The following TIAM1 variants were observed in gnomAD, a reference collection of about 807,000 sequenced individuals.
The protein encoded by TIAM1 is TIAM Rac1 associated GEF 1, also known as rho guanine nucleotide exchange factor TIAM1.
TIAM1 carries 65 observed loss-of-function variants against 163.5 expected under a neutral mutation model. The observed-to-expected ratio is 0.40, with a 90% CI of 0.33 to 0.49. TIAM1 has a LOEUF of 0.49. Ranked by LOEUF, TIAM1 falls within the 20% of genes least tolerant of loss-of-function variation. The pLI, the probability that TIAM1 is intolerant of heterozygous loss-of-function variation, is 0.77. For synonymous variants in TIAM1, 833 were observed against 810.1 expected (o/e 1.03, Z -0.48); for missense variants, 1,789 against 2,044.7 (o/e 0.87, Z 2.41).
At chr21:31,173,493 G>T (rs566324667) in intron 15 of TIAM1, among the ~76,000 whole-genome samples, 13 of 149,892 alleles carry the variant, frequency 8.7e-5, no homozygotes, top group Admixed American at 3.3e-4. Context: ...CTCCAACAAA[G>T]CTAAAAAACA....
intron 1 of TIAM1, among the ~76,000 whole-genome samples, chr21:31,500,400 C>T (rs1034315): frequency 0.84 from 127,665 of 152,072 alleles, 53,857 homozygotes; most frequent in African/African-American, 0.9. Context: ...ATCCGCCATG[C>T]AGTAGACCCT....
intron 2 of TIAM1, among the ~76,000 whole-genome samples, chr21:31,361,034 A>C (rs1286064885): frequency 6.6e-6 from 1 of 152,172 alleles, no homozygotes; most frequent in African/African-American, 2.4e-5. Flanking sequence ...CAAGAAACAC[A>C]TGGACATGAG....
At chr21:31,285,750 A>G (rs1240449458) in intron 2 of TIAM1, among the ~76,000 whole-genome samples, 1 of 152,120 alleles carries the variant, frequency 6.6e-6, no homozygotes, top group Non-Finnish European at 1.5e-5. Flanking sequence ...AATCTCAGCT[A>G]CTCGGGAGGC....
At chr21:31,450,395 T>G (rs575687344) in intron 2 of TIAM1, among the ~76,000 whole-genome samples, 1 of 152,114 alleles carries the variant, frequency 6.6e-6, no homozygotes, top group Non-Finnish European at 1.5e-5. Context: ...GCTCTATTGT[T>G]AGGAAGTGTC....
chr21:31,376,208 C>T (rs1291876413), intron 2 of TIAM1, among the ~76,000 whole-genome samples: 1 of 152,110 alleles, frequency 6.6e-6, no homozygotes, highest in African/African-American at 2.4e-5. Flanking sequence ...AAATGAGTAG[C>T]ATGAACAGAT....
intron 4 of TIAM1, among the ~76,000 whole-genome samples, chr21:31,264,591 C>T (rs1241868532): frequency 2.6e-5 from 4 of 152,182 alleles, no homozygotes; most frequent in Non-Finnish European, 4.4e-5. Flanking sequence ...CCAAAATATC[C>T]GGCTTGGACA....
intron 2 of TIAM1, among the ~76,000 whole-genome samples, chr21:31,435,331 C>G (rs1466889473): frequency 6.6e-6 from 1 of 152,152 alleles, no homozygotes; most frequent in Non-Finnish European, 1.5e-5. Flanking sequence ...AAGATACATG[C>G]TTATAGAGTA....
At chr21:31,484,449 A>G (rs1386001065) in intron 1 of TIAM1, among the ~76,000 whole-genome samples, 1 of 152,172 alleles carries the variant, frequency 6.6e-6, no homozygotes, top group Non-Finnish European at 1.5e-5. Context: ...TGGCCTCCAA[A>G]CCCAGCTTGC....
chr21:31,367,516 G>C (rs954517914), intron 2 of TIAM1, among the ~76,000 whole-genome samples: 8 of 152,012 alleles, frequency 5.3e-5, no homozygotes, highest in African/African-American at 1.7e-4. Flanking sequence ...AACTGAACTT[G>C]AATACCTTGG....
chr21:31,507,179 A>ATTTTT (rs572356384), intron 1 of TIAM1, among the ~76,000 whole-genome samples: 3 of 44,582 alleles, frequency 6.7e-5, no homozygotes, highest in African/African-American at 2.9e-4. Context: ...CACCTTTTTA[A>ATTTTT]TTTTTTTTTT....
At position 31,154,244 on chromosome 21, in the gene TIAM1, T is replaced by C. The variant is rs545302780; in HGVS notation, c.3171+3A>G. The C allele has an allele frequency of 1.5e-5, 24 of 1,612,636 alleles. No individual in the cohort carries two copies. Among genetic ancestry groups the C allele is most frequent in the Admixed American group, 5.0e-5 (3 of 59,918 alleles). ...AGGGCAGGGGGAGAAAAAAGAAACATACCTTCACGTAGGTGCGCTCCGTCT... is the reference window on the plus strand; with the variant it reads ...AGGGCAGGGGGAGAAAAAAGAAACACACCTTCACGTAGGTGCGCTCCGTCT... On this transcript the variant is annotated splice_donor_region_variant and intron_variant, in intron 17 of 27. Transcript: ENST00000541036.
intron 9 of TIAM1, 65 bp from the exon 10 acceptor site, chr21:31,213,537 G>A (rs2146577721): frequency 2.8e-6 from 4 of 1,430,068 alleles, no homozygotes; most frequent in Non-Finnish European, 3.9e-6. Flanking sequence ...AACGTAGGAA[G>A]GGGGAAGGAA....
chr21:31,468,941 G>A (rs568435221), intron 1 of TIAM1, among the ~76,000 whole-genome samples: 4 of 152,206 alleles, frequency 2.6e-5, no homozygotes, highest in African/African-American at 9.6e-5. Context: ...AGAGGGTCAA[G>A]ACAGTAGGAA....
chr21:31,293,985 G>C (rs889838440), intron 2 of TIAM1, among the ~76,000 whole-genome samples: 2 of 152,258 alleles, frequency 1.3e-5, no homozygotes, highest in South Asian at 4.1e-4. Flanking sequence ...TGGAGGTCCT[G>C]GGTACATAAG....
At position 31,120,725 on chromosome 21, in the gene TIAM1, C is replaced by T; in HGVS notation, c.4419G>A (p.Gln1473=). The T allele has an allele frequency of 1.2e-6, 2 of 1,614,084 alleles. No homozygotes were observed. Among genetic ancestry groups the T allele is most frequent in the East Asian group, 2.2e-5 (1 of 44,838 alleles). The change falls in exon 28 of 28, where the codon CAG becomes CAA. Residue 1473 remains glutamine (Q), a synonymous_variant. Coordinates refer to ENST00000541036, the MANE Select transcript of TIAM1 (RefSeq NM_001353694.2). This position sits in a 1 kb window ranked among gnomAD's most constrained non-coding sequence, Gnocchi z 4.2. The part of the protein sequence containing the change: ...SASSPEKESQ[Q]PPGGGDTDRW... ...GGTCAGTGTCCCCACCACCGGGGGG[C>T]TGCTGGGACTCTTTCTCCGGGCTGC...
chr21:31,134,639 T>C (rs1327179704), intron 23 of TIAM1, among the ~76,000 whole-genome samples: 1 of 152,182 alleles, frequency 6.6e-6, no homozygotes, highest in Non-Finnish European at 1.5e-5. Flanking sequence ...GCCTCCCAAG[T>C]AGCTGGGATT....
In TIAM1 at chr21:31,399,498, C is replaced by T. The variant is rs1039596161; in HGVS notation, c.-368-60076G>A. Among the ~76,000 whole-genome samples the T allele has an allele frequency of 2.6e-5, 4 of 152,168 alleles. No individual in the cohort carries two copies. The South Asian group carries it at 8.3e-4, about 32-fold the overall frequency. ...TCAGGCTGACAGAATGAATTGTATG[C>T]ATCCACTGTGGGGGGAAATACCTTC... On this transcript the variant is annotated intron_variant, in intron 2 of 28. Coordinates refer to the TIAM1 transcript ENST00000286827.
At chr21:31,315,158 GT>G (rs1390235800) in intron 2 of TIAM1, among the ~76,000 whole-genome samples, 1 of 152,042 alleles carries the variant, frequency 6.6e-6, no homozygotes, top group Admixed American at 6.5e-5. Context: ...ATCACCTGAA[GT>G]CAAGAGTTGG....
intron 15 of TIAM1, among the ~76,000 whole-genome samples, chr21:31,175,370 T>C (rs768034210): frequency 1.7e-4 from 26 of 152,116 alleles, no homozygotes; most frequent in Non-Finnish European, 3.7e-4. Flanking sequence ...ACCACAAAAA[T>C]AAAGTGAACG....
Sources: gnomAD v4.1 joint callset for allele counts (sites outside exome capture counted in the v4.1 genomes callset) on GRCh38, gnomAD v4.1.1 for gene constraint, Gnocchi (gnomAD v3.1) non-coding constraint, MANE v1.5 for transcripts, NCBI Gene and HGNC (gene_info 2026-07-23, HGNC 2026-07-21) for gene names.